Variants in EPB41L5 observed in about 807,000 individuals in gnomAD.
EPB41L5 encodes band 4.1-like protein 5.
Under a neutral mutation model 106.6 loss-of-function variants are expected in EPB41L5, and 55 were observed. The observed-to-expected ratio is 0.52, with a 90% CI of 0.42 to 0.65. The LOEUF is 0.65. Ranked by LOEUF, EPB41L5 falls within the 30% of genes least tolerant of loss-of-function variation. The pLI is 0.00. For synonymous variants in EPB41L5, 297 were observed against 306.7 expected (o/e 0.97, Z 0.33); for missense variants, 871 against 882.1 (o/e 0.99, Z 0.16).
intron 3 of EPB41L5, among the ~76,000 whole-genome samples, chr2:120,069,977 G>T (rs931979096): frequency 6.6e-6 from 1 of 152,098 alleles, no homozygotes; most frequent in African/African-American, 2.4e-5. Flanking sequence ...AGAACTGAAG[G>T]AGATAGAAAC....
At chr2:120,082,343 T>C (rs1474597220) in intron 10 of EPB41L5, among the ~76,000 whole-genome samples, 1 of 152,174 alleles carries the variant, frequency 6.6e-6, no homozygotes, top group Non-Finnish European at 1.5e-5. Flanking sequence ...TATCAAAGGC[T>C]TTTTCTGCAT....
At chr2:120,045,209 G>A (rs1679684485) in intron 3 of EPB41L5, among the ~76,000 whole-genome samples, 1 of 152,148 alleles carries the variant, frequency 6.6e-6, no homozygotes, top group South Asian at 2.1e-4. Flanking sequence ...ATAGAATTAT[G>A]GAGTCATCAT....
chr2:120,031,005 T>A (rs1457372004), intron 2 of EPB41L5, among the ~76,000 whole-genome samples: 1 of 152,138 alleles, frequency 6.6e-6, no homozygotes, highest in Non-Finnish European at 1.5e-5. Flanking sequence ...GCCTCCTGAG[T>A]AGCTGGGATT....
chr2:120,174,012 C>T (rs113110969), intron 24 of EPB41L5, among the ~76,000 whole-genome samples: 66 of 152,334 alleles, frequency 4.3e-4, no homozygotes, highest in African/African-American at 1.5e-3. Flanking sequence ...AATCAGATGT[C>T]GTTACTTCCT....
At chr2:120,096,726 G>T (rs1352938550) in intron 14 of EPB41L5, among the ~76,000 whole-genome samples, 1 of 152,164 alleles carries the variant, frequency 6.6e-6, no homozygotes, top group Non-Finnish European at 1.5e-5. Flanking sequence ...GGAGTCGGAG[G>T]TTGCACTGAG....
intron 14 of EPB41L5, among the ~76,000 whole-genome samples, chr2:120,098,128 G>A (rs996481771): frequency 3.0e-5 from 4 of 131,336 alleles, no homozygotes; most frequent in African/African-American, 1.1e-4. Flanking sequence ...AATTGCCATG[G>A]CAGTGGATCT....
chr2:120,102,168 G>T (rs1002177493), intron 16 of EPB41L5, among the ~76,000 whole-genome samples: 1 of 152,034 alleles, frequency 6.6e-6, no homozygotes, highest in Non-Finnish European at 1.5e-5. Context: ...TGATTAGTTG[G>T]GATACTATAT....
chr2:120,168,515 G>A (rs1464795893), intron 24 of EPB41L5, among the ~76,000 whole-genome samples: 2 of 152,106 alleles, frequency 1.3e-5, no homozygotes, highest in African/African-American at 4.8e-5. Flanking sequence ...TTCAGCATCT[G>A]GTTCTTCAAC....
At chr2:120,083,520 CA>C (rs1363379719) in intron 10 of EPB41L5, among the ~76,000 whole-genome samples, 1 of 152,100 alleles carries the variant, frequency 6.6e-6, no homozygotes, top group Non-Finnish European at 1.5e-5. Context: ...GTTTTACTTC[CA>C]ACTATGTGGT....
At chr2:120,057,037 T>C (rs908992413) in intron 3 of EPB41L5, among the ~76,000 whole-genome samples, 6 of 152,238 alleles carry the variant, frequency 3.9e-5, no homozygotes, top group Admixed American at 3.9e-4. Context: ...GTGGGGGCTA[T>C]AGGCACCCAC....
chr2:120,038,748 T>C (rs1228664478), intron 2 of EPB41L5, among the ~76,000 whole-genome samples: 1 of 152,096 alleles, frequency 6.6e-6, no homozygotes, highest in Non-Finnish European at 1.5e-5. Context: ...AGTGAGACTG[T>C]ATCTCAGAAA....
At chr2:120,122,351 T>C (rs1685256279) in intron 16 of EPB41L5, among the ~76,000 whole-genome samples, 1 of 152,230 alleles carries the variant, frequency 6.6e-6, no homozygotes, top group Non-Finnish European at 1.5e-5. Flanking sequence ...TTAATTTTTG[T>C]ATAAGGTGTA....
At chr2:120,115,561 T>C (rs1414055633) in intron 16 of EPB41L5, among the ~76,000 whole-genome samples, 1 of 151,942 alleles carries the variant, frequency 6.6e-6, no homozygotes, top group Non-Finnish European at 1.5e-5. Context: ...AATTTTTATT[T>C]TTTTATTTTT....
At chr2:120,115,795 A>G (rs1285099427) in intron 16 of EPB41L5, among the ~76,000 whole-genome samples, 1 of 151,504 alleles carries the variant, frequency 6.6e-6, no homozygotes, top group Admixed American at 6.6e-5. Flanking sequence ...ATGTTGTGTT[A>G]TGTTACGTTA....
chr2:120,033,855 A>C (rs1678878129), intron 2 of EPB41L5, among the ~76,000 whole-genome samples: 1 of 152,076 alleles, frequency 6.6e-6, no homozygotes, highest in South Asian at 2.1e-4. Context: ...GCACTTTGGG[A>C]GGCTGAGGTG....
At position 120,054,645 on chromosome 2, in the gene EPB41L5, G is replaced by A. The variant is rs141979078; in HGVS notation, c.285+12535G>A. Among the ~76,000 whole-genome samples the A allele has an allele frequency of 7.7e-3, 1,177 of 152,094 alleles. 12 individuals carry two copies. Among genetic ancestry groups the A allele is most frequent in the African/African-American group, 0.026 (1,082 of 41,482 alleles). On this transcript the variant is annotated intron_variant, in intron 3 of 24. Transcript: ENST00000263713. ...GCCTCCGAAGTACCTGGGACAACAGGCATCTGATTCATTTAGAGTTAATTT... is the reference window on the plus strand; with the variant it reads ...GCCTCCGAAGTACCTGGGACAACAGACATCTGATTCATTTAGAGTTAATTT...
Position 120,177,631 on chromosome 2 carries a change from G to A in EPB41L5, c.*2724G>A, listed in dbSNP as rs565763051. 1 of 152,306 alleles carries A rather than the reference G, an allele frequency of 6.6e-6. No homozygotes were observed. The highest frequency in any genetic ancestry group is 1.9e-4 in the East Asian group (1 of 5,192). The allele number at this position is 152,306 out of a possible 1,614,324, so 9.4% of individuals were successfully genotyped here. A position where few individuals can be genotyped will look rare whatever the true frequency, so the allele number is the denominator to read the frequency against. ...TAGCATCATCTTTTGACACACAGGAGGTCATGGTCATTTCATTCCTACTCT... is the reference window on the plus strand; with the variant it reads ...TAGCATCATCTTTTGACACACAGGAAGTCATGGTCATTTCATTCCTACTCT... On this transcript the variant is annotated 3_prime_UTR_variant, in exon 25 of 25. Coordinates refer to ENST00000263713, the MANE Select transcript of EPB41L5 (RefSeq NM_020909.4).
chr2:120,047,816 A>G (rs1340281483), intron 3 of EPB41L5, among the ~76,000 whole-genome samples: 2 of 152,180 alleles, frequency 1.3e-5, no homozygotes, highest in African/African-American at 2.4e-5. Flanking sequence ...AACAGCTCTT[A>G]TTATTTTGAG....
In EPB41L5 at chr2:120,074,105, T is replaced by C; in HGVS notation, c.334T>C (p.Ser112Pro). The C allele has an allele frequency of 6.2e-7, 1 of 1,606,374 alleles. No individual in the cohort carries two copies. Among genetic ancestry groups the C allele is most frequent in the Admixed American group, 1.7e-5 (1 of 59,332 alleles). Residue 112 changes from serine to proline, a missense_variant, in exon 5 of 25, where the codon TCA becomes CCA. Ser to Pro is a moderately conservative substitution (Grantham distance 74, BLOSUM62 -1). Transcript: ENST00000263713. ...KSIKKQVKIGSPYCLHLRVKF... is the reference protein window; with the variant it reads ...KSIKKQVKIGPPYCLHLRVKF... ...TTTTTTTTTTTAAATGACAGTTGGTTCACCCTATTGTCTGCATCTTCGAGT... is the reference window on the plus strand; with the variant it reads ...TTTTTTTTTTTAAATGACAGTTGGTCCACCCTATTGTCTGCATCTTCGAGT...
Sources: allele counts gnomAD v4.1 joint callset (sites outside exome capture counted in the v4.1 genomes callset), GRCh38; gene constraint gnomAD v4.1.1; transcripts MANE v1.5; gene names NCBI Gene and HGNC (gene_info 2026-07-23, HGNC 2026-07-21).